KALRN: variants seen among roughly 807,000 people sequenced by gnomAD.
KALRN encodes the protein kalirin RhoGEF kinase, also known as kalirin.
A neutral mutation model predicts 353.7 loss-of-function variants in KALRN; 70 were observed. The ratio of observed to expected loss-of-function variants is 0.20; its 90% CI spans 0.16 to 0.24. The LOEUF (loss-of-function observed/expected upper bound fraction) is 0.24, where lower values mean the gene tolerates loss of function less well. Ranked by LOEUF, KALRN falls within the 10% of genes least tolerant of loss-of-function variation. KALRN has a pLI of 1.00. For synonymous variants in KALRN, 1,391 were observed against 1,434.8 expected, an observed-to-expected ratio of 0.97 and a Z score of 0.69; for missense variants, 2,791 against 3,756.7, an observed-to-expected ratio of 0.74 and a Z score of 6.72.
chr3:124,578,104 T>C (rs1433073994), intron 34 of KALRN, among the ~76,000 whole-genome samples: 1 of 152,244 alleles, frequency 6.6e-6, no homozygotes, highest in African/African-American at 2.4e-5. Context: ...TCTGCTAGAA[T>C]TCACCCTGTT....
chr3:124,347,003 ATT>A (rs2082321898), intron 9 of KALRN, 138 bp from the exon 10 acceptor site: 5 of 1,227,734 alleles, frequency 4.1e-6, no homozygotes, highest in Non-Finnish European at 5.8e-6. Flanking sequence ...CTCACAGCAG[ATT>A]GACCATTTCC....
At chr3:124,116,875 C>T (rs541961646) in intron 1 of KALRN, among the ~76,000 whole-genome samples, 17 of 152,280 alleles carry the variant, frequency 1.1e-4, no homozygotes, top group Admixed American at 1.0e-3. Flanking sequence ...AATAAAACCA[C>T]GCATAAGGAG....
intron 25 of KALRN, among the ~76,000 whole-genome samples, chr3:124,472,330 A>T (rs1186263322): frequency 3.9e-5 from 6 of 152,078 alleles, no homozygotes; most frequent in Non-Finnish European, 5.9e-5. Context: ...CAATAAAACA[A>T]TTTTTTATCC....
intron 1 of KALRN, among the ~76,000 whole-genome samples, chr3:124,130,559 A>G (rs1369448716): frequency 6.6e-6 from 1 of 152,056 alleles, no homozygotes; most frequent in Non-Finnish European, 1.5e-5. Flanking sequence ...TTTATACAGC[A>G]CTTTAAAGAG....
intron 27 of KALRN, among the ~76,000 whole-genome samples, chr3:124,479,322 G>A (rs539139725): frequency 3.6e-4 from 55 of 152,342 alleles, no homozygotes; most frequent in Middle Eastern, 3.4e-3. Flanking sequence ...CACAAAACCA[G>A]TCCAGTAGGA....
intron 12 of KALRN, among the ~76,000 whole-genome samples, chr3:124,395,967 C>T (rs371716923): frequency 1.7e-4 from 26 of 152,196 alleles, no homozygotes; most frequent in African/African-American, 6.0e-4. Context: ...TTACCCAGGC[C>T]ATTGCCTCCT....
At chr3:124,152,552 CTTTT>C in intron 1 of KALRN, 2 of 234,624 alleles carry the variant, frequency 8.5e-6, no homozygotes, top group African/African-American at 4.0e-5. Flanking sequence ...TTTTCTTTTT[CTTTT>C]CTTTTCTTTT....
At position 124,632,524 on chromosome 3, in the gene KALRN, A is replaced by G; in HGVS notation, c.5287A>G (p.Lys1763Glu). 1 of 1,614,170 alleles carries G rather than the reference A, an allele frequency of 6.2e-7. No individual in the cohort carries two copies. Among genetic ancestry groups the G allele is most frequent in the South Asian group, 1.1e-5 (1 of 91,078 alleles). Residue 1763 changes from lysine (K) to glutamate (E), a missense_variant, in exon 35 of 60, where the codon AAG (lysine) becomes GAG (glutamate). Physicochemically the swap from Lys to Glu is moderately conservative, Grantham distance 56. This residue lies in a region of KALRN where 1,065 missense variants were observed against 1,156.4 expected (regional missense o/e 0.92). Transcript: ENST00000682506. ...LNSIHSSPGPKRSTNTLKKWL... is the reference protein window; with the variant it reads ...LNSIHSSPGPERSTNTLKKWL... Reference sequence around the variant, plus strand: ...CTCCATCCACAGTTCCCCGGGTCCCAAGCGCTCCACCAACACTCTTAAGAA... The same window carrying G: ...CTCCATCCACAGTTCCCCGGGTCCCGAGCGCTCCACCAACACTCTTAAGAA...
At chr3:124,645,437 T>C (rs2082585564) in intron 37 of KALRN, among the ~76,000 whole-genome samples, 1 of 152,230 alleles carries the variant, frequency 6.6e-6, no homozygotes, top group Non-Finnish European at 1.5e-5. Flanking sequence ...TAGGTTTTCT[T>C]CTAGGGTTTT....
intron 23 of KALRN, among the ~76,000 whole-genome samples, chr3:124,459,082 C>T (rs765734703): frequency 9.9e-5 from 15 of 152,140 alleles, no homozygotes; most frequent in Non-Finnish European, 2.2e-4. Flanking sequence ...GAGGGATATA[C>T]CACTGGGCCA....
intron 37 of KALRN, among the ~76,000 whole-genome samples, chr3:124,649,965 A>AAATAATAATAAT (rs71145473): frequency 3.5e-5 from 5 of 143,506 alleles, no homozygotes; most frequent in African/African-American, 5.1e-5. Flanking sequence ...CTCTAAAATA[A>AAATAATAATAAT]AATAATAATA....
chr3:124,462,356 T>C (rs1407277778), intron 24 of KALRN, among the ~76,000 whole-genome samples, 168 bp from the exon 25 acceptor site: 2 of 152,178 alleles, frequency 1.3e-5, no homozygotes, highest in Non-Finnish European at 2.9e-5. Context: ...TAATGAAATA[T>C]TCAGGTTTTA....
intron 33 of KALRN, among the ~76,000 whole-genome samples, chr3:124,557,366 TG>T (rs1577962419): frequency 1.3e-5 from 2 of 152,346 alleles, no homozygotes; most frequent in East Asian, 3.9e-4. Context: ...ACTTGTGTGG[TG>T]CATCTCATCT....
At chr3:124,412,075 T>G (rs1343526805) in intron 13 of KALRN, among the ~76,000 whole-genome samples, 5 of 152,214 alleles carry the variant, frequency 3.3e-5, no homozygotes, top group Admixed American at 6.5e-5. Context: ...AAGAAAGGTC[T>G]TGTTGTTAGA....
At chr3:124,413,431 C>T (rs1425427894) in intron 13 of KALRN, 39 bp from the exon 14 acceptor site, 2 of 1,560,154 alleles carry the variant, frequency 1.3e-6, no homozygotes, top group South Asian at 1.1e-5. Flanking sequence ...CTCTCGTGGA[C>T]CTGGTGAGCC....
intron 10 of KALRN, among the ~76,000 whole-genome samples, chr3:124,367,496 T>C (rs2085018268): frequency 1.0e-5 from 1 of 98,146 alleles, no homozygotes; most frequent in Non-Finnish European, 2.0e-5. Flanking sequence ...ACGGGGCAGC[T>C]GGCCGGGCGG....
chr3:124,071,749 C>T (rs2060028868), intron 1 of KALRN, among the ~76,000 whole-genome samples: 1 of 152,150 alleles, frequency 6.6e-6, no homozygotes, highest in African/African-American at 2.4e-5. Flanking sequence ...CCTCTTAATA[C>T]CATCACATTG....
intron 8 of KALRN, 44 bp downstream of exon 8, chr3:124,330,036 A>C: frequency 6.2e-7 from 1 of 1,603,270 alleles, no homozygotes; most frequent in Non-Finnish European, 8.5e-7. Flanking sequence ...GCATGTCTGC[A>C]TGTGGGTGGG....
intron 49 of KALRN, 48 bp from the exon 50 acceptor site, chr3:124,678,142 G>A (rs202230499): frequency 9.5e-4 from 1,525 of 1,602,640 alleles, no homozygotes; most frequent in Non-Finnish European, 1.2e-3. Flanking sequence ...CCTCCACATC[G>A]CTGTCCCTGA....
Sources: gnomAD v4.1 joint callset for allele counts (sites outside exome capture counted in the v4.1 genomes callset) on GRCh38, gnomAD v4.1.1 for gene constraint, gnomAD v4.1.1 regional missense constraint, MANE v1.5 for transcripts, NCBI Gene and HGNC (gene_info 2026-07-23, HGNC 2026-07-21) for gene names.